Variants in PTCH1 observed in about 807,000 individuals in gnomAD.
PTCH1 encodes patched 1, also known as protein patched homolog 1.
Under a neutral mutation model 144.6 loss-of-function variants are expected in PTCH1, and 14 were observed. The ratio of observed to expected loss-of-function variants is 0.10; its 90% CI spans 0.06 to 0.15. PTCH1 has a LOEUF of 0.15. Among genes scored for constraint, PTCH1 ranks in the 10% least tolerant of loss-of-function variants. The pLI is 1.00. For synonymous variants in PTCH1, 833 were observed against 793.6 expected (o/e 1.05, Z -0.83); for missense variants, 1,623 against 1,948.3 (o/e 0.83, Z 3.14).
chr9:95,515,814 T>C (rs1345848466), intron 1 of PTCH1, among the ~76,000 whole-genome samples: 1 of 152,156 alleles, frequency 6.6e-6, no homozygotes, highest in Admixed American at 6.5e-5. Context: ...CTGGCCCTTT[T>C]CCCGCAGCAT....
intron 2 of PTCH1, among the ~76,000 whole-genome samples, chr9:95,496,206 T>C (rs1842781976): frequency 6.6e-6 from 1 of 152,254 alleles, no homozygotes; most frequent in Admixed American, 6.5e-5. Context: ...GTGCTAATTA[T>C]GCTAATCACC....
chr9:95,507,927 C>A, intron 1 of PTCH1: 2 of 1,426,734 alleles, frequency 1.4e-6, no homozygotes, highest in African/African-American at 1.4e-5. Flanking sequence ...CACGCACACA[C>A]ACACACCTCC....
rs1387571320 is a variant in PTCH1, at chr9:95,508,769, A to T, written c.-408T>A. On this transcript the variant is annotated 5_prime_UTR_variant, in exon 1 of 24. Coordinates refer to ENST00000331920, the MANE Select transcript of PTCH1 (RefSeq NM_000264.5). ...TACCCGCCCCCCGCCCCGCGCCGCG[A>T]CCCCTTCACTGCAGAAAGAGCCAGC... is the stretch of plus-strand genomic sequence containing the variant. 1.3e-6 allele frequency: 1 copy of T among 779,898 alleles called. No individual in the cohort carries two copies. The highest frequency in any genetic ancestry group is 1.5e-6 in the Non-Finnish European group (1 of 648,002). The allele number at this position is 779,898 out of a possible 1,614,324, so 48.3% of individuals were successfully genotyped here.
chr9:95,490,290 C>T (rs1462754328), intron 2 of PTCH1, among the ~76,000 whole-genome samples: 1 of 151,444 alleles, frequency 6.6e-6, no homozygotes, highest in African/African-American at 2.4e-5. Flanking sequence ...CTGGGCAACA[C>T]AGATAAACGT....
chr9:95,476,260 TTACA>T lies in PTCH1; in HGVS notation c.1603-105_1603-102del. 8 of 1,501,894 alleles carry T rather than the reference TTACA, an allele frequency of 5.3e-6. No homozygotes were observed. Among genetic ancestry groups the T allele is most frequent in the Non-Finnish European group, 7.2e-6 (8 of 1,112,770 alleles). 93.0% of individuals were successfully genotyped at this position (1,501,894 alleles called of 1,614,324 possible). ...ACGTGGCAGAATAACACAACTGTTA[TTACA>T]GCTTATCATGCTGGCATTAGGGAAA... On this transcript the variant is annotated intron_variant, in intron 11 of 23. Transcript: ENST00000331920. The surrounding 1 kb of genome is among the most constrained non-coding windows in gnomAD (Gnocchi z 4.6).
At chr9:95,515,048 T>G (rs1844303650) in intron 1 of PTCH1, among the ~76,000 whole-genome samples, 2 of 152,116 alleles carry the variant, frequency 1.3e-5, no homozygotes, top group East Asian at 3.9e-4. Context: ...TTTTACAACT[T>G]GGGCACTCCA....
intron 14 of PTCH1, 37 bp downstream of exon 14, chr9:95,468,714 T>C (rs2118017408): frequency 1.9e-6 from 3 of 1,607,696 alleles, no homozygotes; most frequent in Admixed American, 1.7e-5. Flanking sequence ...TGTTATTTTT[T>C]TGAAGACAGG....
rs1482549339 is a variant in PTCH1, at chr9:95,508,523, C to CGCT, written c.-165_-163dup. Reference sequence around the variant, plus strand: ...CTCGGGCTCCGGTTGACAGACCAGCCGCTGCTGCTGCTCACACGGCGGGCG... The same window carrying CGCT: ...CTCGGGCTCCGGTTGACAGACCAGCCGCTGCTGCTGCTGCTCACACGGCGGGCG... On this transcript the variant is annotated 5_prime_UTR_variant, in exon 1 of 24. Transcript: ENST00000331920. 8.9e-6 allele frequency: 9 copies of CGCT among 1,014,354 alleles called. No homozygotes were observed. The highest frequency in any genetic ancestry group is 9.0e-5 in the South Asian group (2 of 22,124). 62.8% of individuals were successfully genotyped at this position (1,014,354 alleles called of 1,614,324 possible).
rs768959514 is a variant in PTCH1, at chr9:95,516,746, T to C, written c.-275A>G. Reference sequence around the variant, plus strand: ...GGAAAGTGTAAAAACCCCGGCGCGCTGGGCCGCCGGAGGCTTTCGGCGGAG... The same window carrying C: ...GGAAAGTGTAAAAACCCCGGCGCGCCGGGCCGCCGGAGGCTTTCGGCGGAG... On this transcript the variant is annotated 5_prime_UTR_variant, in exon 1 of 23. Transcript: ENST00000430669. 5.0e-6 allele frequency: 8 copies of C among 1,601,834 alleles called. No individual in the cohort carries two copies. The highest frequency in any genetic ancestry group is 5.1e-6 in the Non-Finnish European group (6 of 1,170,432).
At chr9:95,493,055 T>G (rs540923979) in intron 2 of PTCH1, among the ~76,000 whole-genome samples, 3 of 152,366 alleles carry the variant, frequency 2.0e-5, no homozygotes, top group African/African-American at 7.2e-5. Flanking sequence ...CAAGCTCTGC[T>G]GATCCTCTCA....
At chr9:95,468,303 G>C (rs897594026) in intron 14 of PTCH1, among the ~76,000 whole-genome samples, 2 of 151,368 alleles carry the variant, frequency 1.3e-5, no homozygotes, top group Non-Finnish European at 2.9e-5. Context: ...GCAATCCGCT[G>C]GCCTTGGCCT....
intron 1 of PTCH1, 114 bp downstream of exon 1, chr9:95,508,042 AGTGTG>A: frequency 1.2e-6 from 1 of 858,592 alleles, no homozygotes; most frequent in African/African-American, 3.2e-5. Flanking sequence ...GGTGTGAGTG[AGTGTG>A]TGTGTGTGTG....
chr9:95,446,548 C>T, intron 23 of PTCH1, 157 bp from the exon 24 acceptor site: 1 of 442,766 alleles, frequency 2.3e-6, no homozygotes. Context: ...GTGACCTCTC[C>T]CTTCATCTGG....
At chr9:95,448,922 C>G in intron 22 of PTCH1, 147 bp downstream of exon 22, 1 of 1,133,110 alleles carries the variant, frequency 8.8e-7, no homozygotes, top group Non-Finnish European at 1.2e-6. Context: ...CTGGTTATTT[C>G]CTATGATTTG....
chr9:95,462,989 C>A (rs1839646186), intron 15 of PTCH1, among the ~76,000 whole-genome samples: 1 of 151,110 alleles, frequency 6.6e-6, no homozygotes, highest in South Asian at 2.1e-4. Flanking sequence ...CCGGGACACC[C>A]CCCTCCCCCC....
rs2136670153 is a variant in PTCH1, at chr9:95,459,620, A to T, written c.2867T>A (p.Met956Lys). The change falls in exon 17 of 24, where the codon ATG (methionine) becomes AAG (lysine). Residue 956 changes from methionine (M) to lysine (K), a missense_variant. Physicochemically the swap from Met to Lys is moderately conservative, Grantham distance 95 (BLOSUM62 -1). This residue lies in a region of PTCH1 where 504 missense variants were observed against 679.3 expected (regional missense o/e 0.74). Coordinates refer to ENST00000331920, the MANE Select transcript of PTCH1 (RefSeq NM_000264.5). ...PEWVHDKADY[M>K]PETRLRIPAA... is the part of the protein sequence containing the mutation. ...CTTACTTCTCAGCCTTGTTTCAGGCATGTAGTCGGCTTTGTCGTGGACCCA... is the reference window on the plus strand; with the variant it reads ...CTTACTTCTCAGCCTTGTTTCAGGCTTGTAGTCGGCTTTGTCGTGGACCCA... 6.2e-7 allele frequency: 1 copy of T among 1,613,994 alleles called. No homozygotes were observed. The highest frequency in any genetic ancestry group is 8.5e-7 in the Non-Finnish European group (1 of 1,180,036).
chr9:95,447,569 TG>T, intron 22 of PTCH1, 118 bp from the exon 23 acceptor site: 2 of 1,088,550 alleles, frequency 1.8e-6, no homozygotes, highest in South Asian at 3.3e-5. Context: ...GGGGAGCCAA[TG>T]GGGGCCTTCC....
At chr9:95,512,702 C>T (rs982224363), upstream of PTCH1, among the ~76,000 whole-genome samples, 1 of 152,202 alleles carries the variant, frequency 6.6e-6, no homozygotes, top group Non-Finnish European at 1.5e-5. Context: ...CTTCAACTAA[C>T]CACAAGGATT....
intron 18 of PTCH1, among the ~76,000 whole-genome samples, 176 bp from the exon 19 acceptor site, chr9:95,456,589 G>A (rs1323522174): frequency 6.6e-6 from 1 of 152,196 alleles, no homozygotes; most frequent in Admixed American, 6.5e-5. Context: ...CGCTGGGAAG[G>A]GAGACTGTGG....
Sources: gnomAD v4.1 joint callset for allele counts (sites outside exome capture counted in the v4.1 genomes callset) on GRCh38, gnomAD v4.1.1 for gene constraint, gnomAD v4.1.1 regional missense constraint, Gnocchi (gnomAD v3.1) non-coding constraint, MANE v1.5 for transcripts, NCBI Gene and HGNC (gene_info 2026-07-23, HGNC 2026-07-21) for gene names.